Variants in ALG5 observed in about 807,000 individuals in gnomAD.
ALG5 encodes dolichyl-phosphate beta-glucosyltransferase.
A neutral mutation model predicts 51.8 loss-of-function variants in ALG5; 26 were observed. That is an observed-to-expected ratio of 0.50 (90% confidence interval 0.37 to 0.70). ALG5 has a LOEUF of 0.70. ALG5 is among the 30% of genes least tolerant of loss of function. The pLI is 0.00. For synonymous variants in ALG5, 141 were observed against 136.1 expected (o/e 1.04, Z -0.25); for missense variants, 311 against 399.3 (o/e 0.78, Z 1.88).
At chr13:36,960,969 G>T (rs921252882) in intron 8 of ALG5, among the ~76,000 whole-genome samples, 4 of 151,918 alleles carry the variant, frequency 2.6e-5, no homozygotes, top group Admixed American at 2.0e-4. Flanking sequence ...TCCATAAATG[G>T]AAAGAATTTA....
chr13:36,998,314 C>T (rs1029680855), intron 1 of ALG5, among the ~76,000 whole-genome samples: 4 of 152,198 alleles, frequency 2.6e-5, no homozygotes, highest in African/African-American at 9.6e-5. Context: ...TCCTCTCTCA[C>T]CCAGATACTA....
intron 6 of ALG5, among the ~76,000 whole-genome samples, chr13:36,977,188 T>C (rs1358692006): frequency 1.3e-5 from 2 of 152,234 alleles, no homozygotes; most frequent in African/African-American, 4.8e-5. Flanking sequence ...AAACATTTTT[T>C]CAAAAAGTTA....
intron 7 of ALG5, among the ~76,000 whole-genome samples, 200 bp downstream of exon 7, chr13:36,971,777 G>C (rs1359101626): frequency 6.8e-6 from 1 of 148,060 alleles, no homozygotes; most frequent in Non-Finnish European, 1.5e-5. Context: ...ACATCTTCTT[G>C]TATATGCTTA....
intron 3 of ALG5, among the ~76,000 whole-genome samples, chr13:36,994,781 T>C (rs1437759065): frequency 6.6e-6 from 1 of 151,876 alleles, no homozygotes; most frequent in East Asian, 1.9e-4. Flanking sequence ...AATTTTCGCT[T>C]CCTGGTTTGT....
chr13:36,989,414 A>G, intron 5 of ALG5, 70 bp downstream of exon 5: 1 of 1,174,124 alleles, frequency 8.5e-7, no homozygotes, highest in Non-Finnish European at 1.3e-6. Context: ...GGGCAAACAT[A>G]CAAGTCTGCA....
At chr13:36,976,425 CAAA>C (rs57192095) in intron 6 of ALG5, among the ~76,000 whole-genome samples, 4,848 of 36,544 alleles carry the variant, frequency 0.13, 322 homozygotes, top group African/African-American at 0.32. Flanking sequence ...GACTCTGTCT[CAAA>C]AAAAAAAAAA....
At chr13:36,954,059 ATATT>A (rs915034463) in intron 8 of ALG5, among the ~76,000 whole-genome samples, 1 of 28,894 alleles carries the variant, frequency 3.5e-5, no homozygotes, top group African/African-American at 2.7e-4. Flanking sequence ...AAATCACCTT[ATATT>A]AAAAAAAAAA....
chr13:36,981,765 A>G (rs1008531024), intron 6 of ALG5, among the ~76,000 whole-genome samples: 2 of 152,228 alleles, frequency 1.3e-5, no homozygotes, highest in African/African-American at 2.4e-5. Context: ...GTGGAAAATT[A>G]TAAGAAAAAA....
At position 36,965,623 on chromosome 13, in the gene ALG5, G is replaced by A; in HGVS notation, c.725C>T (p.Thr242Ile). The change falls in exon 8 of 10, where the codon ACT becomes ATT. Residue 242 changes from threonine to isoleucine, a missense_variant. Transcript: ENST00000239891. ...RDTQCGFKLF[T>I]REAASRTFSS... Reference sequence around the variant, plus strand: ...AAACGTCCGTGAAGCTGCTTCTCGAGTAAATAATTTGAACCCACACTGTGT... The same window carrying A: ...AAACGTCCGTGAAGCTGCTTCTCGAATAAATAATTTGAACCCACACTGTGT... 1.2e-6 allele frequency: 2 copies of A among 1,614,040 alleles called. No individual in the cohort carries two copies. Among genetic ancestry groups the A allele is most frequent in the Non-Finnish European group, 1.7e-6 (2 of 1,179,970 alleles).
chr13:36,988,108 C>T (rs1198446583), intron 5 of ALG5, among the ~76,000 whole-genome samples: 2 of 152,152 alleles, frequency 1.3e-5, no homozygotes, highest in African/African-American at 2.4e-5. Context: ...TCCTTAAAGA[C>T]CCCGCCGAGA....
intron 7 of ALG5, 34 bp from the exon 8 acceptor site, chr13:36,965,760 C>T: frequency 6.3e-7 from 1 of 1,593,436 alleles, no homozygotes; most frequent in Non-Finnish European, 8.5e-7. Context: ...ATGACTTTTC[C>T]ATTCATCTGT....
chr13:36,959,265 G>T (rs1387959976), intron 8 of ALG5, among the ~76,000 whole-genome samples: 1 of 150,660 alleles, frequency 6.6e-6, no homozygotes, highest in Non-Finnish European at 1.5e-5. Context: ...GGGGAATAAG[G>T]TTTTTTTTTG....
chr13:36,989,711 A>G, intron 4 of ALG5, 135 bp from the exon 5 acceptor site: 2 of 627,998 alleles, frequency 3.2e-6, no homozygotes, highest in Non-Finnish European at 5.4e-6. Context: ...CCCACTGTAC[A>G]TTCTGATGAC....
chr13:36,979,581 A>C (rs927679168), intron 6 of ALG5, among the ~76,000 whole-genome samples: 2 of 152,234 alleles, frequency 1.3e-5, no homozygotes, highest in African/African-American at 4.8e-5. Flanking sequence ...AAGAGCATTC[A>C]GGGTCATTAG....
At chr13:36,967,003 G>C (rs1215338113) in intron 7 of ALG5, among the ~76,000 whole-genome samples, 6 of 151,928 alleles carry the variant, frequency 3.9e-5, no homozygotes, top group African/African-American at 1.2e-4. Flanking sequence ...CAGGTGGATT[G>C]CTTGAGGTCA....
chr13:36,978,469 G>A (rs1284713126), intron 6 of ALG5, among the ~76,000 whole-genome samples: 1 of 151,902 alleles, frequency 6.6e-6, no homozygotes, highest in Non-Finnish European at 1.5e-5. Flanking sequence ...TTACAGGCGT[G>A]AGCCACTGTG....
chr13:36,970,989 C>T (rs889423357), intron 7 of ALG5, among the ~76,000 whole-genome samples: 1 of 150,268 alleles, frequency 6.7e-6, no homozygotes, highest in Admixed American at 6.6e-5. Context: ...TTTTGTCACT[C>T]TGTCATCAAT....
In ALG5 at chr13:36,949,937, A is replaced by G. The variant is rs189426750; in HGVS notation, c.*5T>C. ...ATAAGAACACAACTGAAGACTGCAA[A>G]CAACCTAATTCATTTTCCGAGTTTG... On this transcript the variant is annotated 3_prime_UTR_variant, in exon 10 of 10. Coordinates refer to ENST00000239891, the MANE Select transcript of ALG5 (RefSeq NM_013338.5). 120 of 1,597,376 alleles carry G rather than the reference A, an allele frequency of 7.5e-5. No homozygotes were observed. In the African/African-American group the frequency reaches 1.3e-3, roughly 17 times the overall value.
intron 6 of ALG5, among the ~76,000 whole-genome samples, chr13:36,977,200 C>T (rs1289896717): frequency 6.6e-6 from 1 of 152,196 alleles, no homozygotes; most frequent in African/African-American, 2.4e-5. Context: ...AAAAAGTTAG[C>T]TGTTCTTCAG....
Sources: gnomAD v4.1 joint callset for allele counts (sites outside exome capture counted in the v4.1 genomes callset) on GRCh38, gnomAD v4.1.1 for gene constraint, MANE v1.5 for transcripts, NCBI Gene and HGNC (gene_info 2026-07-23, HGNC 2026-07-21) for gene names.